The following ROBO1 variants were observed in gnomAD, a reference collection of about 807,000 sequenced individuals.
The protein encoded by ROBO1 is roundabout guidance receptor 1, also known as roundabout homolog 1.
Under a neutral mutation model 195.9 loss-of-function variants are expected in ROBO1, and 149 were observed. The ratio of observed to expected loss-of-function variants is 0.76; its 90% CI spans 0.67 to 0.87. The LOEUF (loss-of-function observed/expected upper bound fraction) is 0.87, where lower values mean the gene tolerates loss of function less well. Ranked by LOEUF, ROBO1 falls within the 40% of genes least tolerant of loss-of-function variation. The probability of loss-of-function intolerance (pLI) is 0.00; values close to 1 mark genes in which losing one functional copy is unlikely to be tolerated. For synonymous variants in ROBO1, 816 were observed against 733.2 expected, an observed-to-expected ratio of 1.11 and a Z score of -1.82; for missense variants, 1,933 against 2,068.3, an observed-to-expected ratio of 0.93 and a Z score of 1.27.
chr3:79,664,215 A>T (rs1365648723), intron 1 of ROBO1, among the ~76,000 whole-genome samples: 1 of 151,952 alleles, frequency 6.6e-6, no homozygotes, highest in East Asian at 1.9e-4. Flanking sequence ...ATCACCTCTT[A>T]GTAGTTTTCT....
At chr3:79,277,341 A>G (rs758270493) in intron 2 of ROBO1, among the ~76,000 whole-genome samples, 1 of 152,122 alleles carries the variant, frequency 6.6e-6, no homozygotes, top group Non-Finnish European at 1.5e-5. Flanking sequence ...ACTCAAGGTC[A>G]TTATGCTAAG....
chr3:79,589,958 T>C lies in ROBO1; in HGVS notation c.-47A>G. 7.8e-7 allele frequency: 1 copy of C among 1,286,518 alleles called. No individual in the cohort carries two copies. Among genetic ancestry groups the C allele is most frequent in the South Asian group, 1.2e-5 (1 of 80,144 alleles). 79.7% of individuals were successfully genotyped at this position (1,286,518 alleles called of 1,614,324 possible). A position where few individuals can be genotyped will look rare whatever the true frequency, so the allele number is the denominator to read the frequency against. On this transcript the variant is annotated 5_prime_UTR_variant, in exon 2 of 31. It removes the in-frame stop codon of an upstream open reading frame in the 5' UTR. Coordinates refer to ENST00000464233, the MANE Select transcript of ROBO1 (RefSeq NM_002941.4). ...CAACCAGCCAGTGACAGACAATGTG[T>C]TATCTGGGGAGATTAAAAAAATATT...
intron 4 of ROBO1, among the ~76,000 whole-genome samples, chr3:78,875,788 G>A (rs2035806127): frequency 6.6e-6 from 1 of 151,894 alleles, no homozygotes; most frequent in Admixed American, 6.6e-5. Flanking sequence ...GAATCAAAGT[G>A]AAAAATATCA....
chr3:78,850,185 A>C (rs1306497994), intron 4 of ROBO1, among the ~76,000 whole-genome samples: 3 of 152,172 alleles, frequency 2.0e-5, no homozygotes, highest in African/African-American at 7.2e-5. Context: ...CACCTTTGTC[A>C]GAATGTATCC....
chr3:79,313,777 T>C (rs1371508216), intron 2 of ROBO1, among the ~76,000 whole-genome samples: 1 of 152,166 alleles, frequency 6.6e-6, no homozygotes, highest in Admixed American at 6.6e-5. Flanking sequence ...GTTAAGTTAC[T>C]ACACAGTTAA....
At chr3:78,949,560 A>G (rs1166487384) in intron 3 of ROBO1, among the ~76,000 whole-genome samples, 1 of 152,180 alleles carries the variant, frequency 6.6e-6, no homozygotes, top group Non-Finnish European at 1.5e-5. Context: ...TAAAAACCCT[A>G]CAAGAAAACC....
At chr3:79,613,643 C>T (rs1184504992) in intron 1 of ROBO1, among the ~76,000 whole-genome samples, 1 of 152,148 alleles carries the variant, frequency 6.6e-6, no homozygotes, top group Admixed American at 6.6e-5. Context: ...ATTATAAGAT[C>T]TCTAAAAGAA....
chr3:79,380,728 C>T (rs1217014747), intron 2 of ROBO1, among the ~76,000 whole-genome samples: 8 of 151,998 alleles, frequency 5.3e-5, no homozygotes, highest in African/African-American at 1.7e-4. Context: ...CATCAAGAGC[C>T]GAAGTCCATT....
chr3:79,297,503 T>C (rs1435106611), intron 2 of ROBO1, among the ~76,000 whole-genome samples: 3 of 152,118 alleles, frequency 2.0e-5, no homozygotes, highest in African/African-American at 7.2e-5. Flanking sequence ...TCTTGCTACA[T>C]TGTCTATCTG....
intron 4 of ROBO1, among the ~76,000 whole-genome samples, chr3:78,787,747 C>T (rs574680747): frequency 1.3e-5 from 2 of 151,976 alleles, no homozygotes; most frequent in East Asian, 1.9e-4. Flanking sequence ...GCCAGGATTT[C>T]GAGACGAGCA....
intron 2 of ROBO1, among the ~76,000 whole-genome samples, chr3:79,459,150 T>C (rs1039813410): frequency 2.0e-5 from 3 of 151,426 alleles, no homozygotes; most frequent in African/African-American, 7.3e-5. Flanking sequence ...GAAAAAAATG[T>C]ATACCTTGCT....
At chr3:78,695,174 C>T (rs1425838417) in intron 8 of ROBO1, among the ~76,000 whole-genome samples, 1 of 151,416 alleles carries the variant, frequency 6.6e-6, no homozygotes, top group African/African-American at 2.4e-5. Context: ...ATGTAAATGA[C>T]GAGTTAATGG....
chr3:79,595,558 T>C (rs1944139167), intron 1 of ROBO1, among the ~76,000 whole-genome samples: 1 of 151,796 alleles, frequency 6.6e-6, no homozygotes, highest in African/African-American at 2.4e-5. Context: ...TACTCTCTTT[T>C]GTCTTCATTT....
chr3:79,283,133 A>C (rs2031637101), intron 2 of ROBO1, among the ~76,000 whole-genome samples: 2 of 152,244 alleles, frequency 1.3e-5, no homozygotes, highest in African/African-American at 2.4e-5. Flanking sequence ...TAGCAAGTAC[A>C]TTCCTCAATC....
At chr3:78,894,901 G>T (rs569591254) in intron 4 of ROBO1, among the ~76,000 whole-genome samples, 1 of 152,320 alleles carries the variant, frequency 6.6e-6, no homozygotes, top group African/African-American at 2.4e-5. Flanking sequence ...AAGCAAAGAG[G>T]CTGGAGCACA....
intron 2 of ROBO1, among the ~76,000 whole-genome samples, chr3:79,293,988 G>A (rs1442920484): frequency 6.8e-6 from 1 of 146,614 alleles, no homozygotes; most frequent in African/African-American, 2.5e-5. Flanking sequence ...AACCCGGGAG[G>A]CGGAGCTTGC....
chr3:79,294,080 A>AT (rs796793439), intron 2 of ROBO1, among the ~76,000 whole-genome samples: 1 of 140,120 alleles, frequency 7.1e-6, no homozygotes, highest in South Asian at 2.2e-4. Flanking sequence ...AAAAAAAAAA[A>AT]AAAGAAAGAA....
At chr3:79,668,638 A>T (rs60938610) in intron 1 of ROBO1, among the ~76,000 whole-genome samples, 42,424 of 151,684 alleles carry the variant, frequency 0.28, 7,432 homozygotes, top group East Asian at 0.53. Context: ...ACATAGAAAT[A>T]AGCAACTCAA....
intron 2 of ROBO1, among the ~76,000 whole-genome samples, chr3:79,236,328 G>C (rs551117945): frequency 3.3e-5 from 5 of 152,134 alleles, no homozygotes; most frequent in African/African-American, 1.2e-4. Flanking sequence ...GGCAATTCAG[G>C]TTCAGTGGCA....
Sources: gnomAD v4.1 joint callset for allele counts (sites outside exome capture counted in the v4.1 genomes callset) on GRCh38, gnomAD v4.1.1 for gene constraint, MANE v1.5 for transcripts, NCBI Gene and HGNC (gene_info 2026-07-23, HGNC 2026-07-21) for gene names.